The following DDX43 variants were observed in gnomAD, a reference collection of about 807,000 sequenced individuals.
DDX43 encodes the protein probable ATP-dependent RNA helicase DDX43.
A neutral mutation model predicts 84.9 loss-of-function variants in DDX43; 50 were observed. The observed-to-expected ratio is 0.59, with a 90% CI of 0.47 to 0.75. The LOEUF (loss-of-function observed/expected upper bound fraction) is 0.75, where lower values mean the gene tolerates loss of function less well. Ranked by LOEUF, DDX43 falls within the 30% of genes least tolerant of loss-of-function variation. The pLI, the probability that DDX43 is intolerant of heterozygous loss-of-function variation, is 0.00. For synonymous variants in DDX43, 291 were observed against 266.3 expected (o/e 1.09, Z -0.90); for missense variants, 689 against 798.6 (o/e 0.86, Z 1.65).
chr6:73,395,743 T>C (rs1346205699), intron 1 of DDX43, among the ~76,000 whole-genome samples: 1 of 152,086 alleles, frequency 6.6e-6, no homozygotes, highest in Admixed American at 6.6e-5. Context: ...GAACAGGCCT[T>C]TTAACAGACA....
chr6:73,405,183 GTT>G (rs1769653715), intron 5 of DDX43, among the ~76,000 whole-genome samples: 1 of 152,054 alleles, frequency 6.6e-6, no homozygotes, highest in African/African-American at 2.4e-5. Flanking sequence ...AAATTGGAAG[GTT>G]TTAATTGCAA....
At chr6:73,395,298 C>A in intron 1 of DDX43, 143 bp downstream of exon 1, 1 of 1,104,950 alleles carries the variant, frequency 9.1e-7, no homozygotes, top group Non-Finnish European at 1.3e-6. Context: ...TTTGTAAAAC[C>A]TGGGGATAGA....
chr6:73,414,969 G>T (rs1306911264), intron 14 of DDX43, among the ~76,000 whole-genome samples: 2 of 151,972 alleles, frequency 1.3e-5, no homozygotes, highest in African/African-American at 4.8e-5. Context: ...TTGACAAATT[G>T]GTATGGATAT....
At chr6:73,411,752 T>C (rs998896800) in intron 10 of DDX43, among the ~76,000 whole-genome samples, 6 of 152,092 alleles carry the variant, frequency 3.9e-5, no homozygotes, top group South Asian at 2.1e-4. Context: ...GGCTGGAGTA[T>C]AGTGGCACAA....
At position 73,395,028 on chromosome 6, in the gene DDX43, G is replaced by A; in HGVS notation, c.123G>A (p.Glu41=). 6.2e-7 allele frequency: 1 copy of A among 1,614,270 alleles called. No homozygotes were observed. The highest frequency in any genetic ancestry group is 8.5e-7 in the Non-Finnish European group (1 of 1,180,050). ...PAEELNRTGP[E]GYSVGRGGRW... ...AGGAGTTGAATCGAACAGGTCCTGAGGGATATAGTGTCGGCAGAGGTGGTC... is the reference window on the plus strand; with the variant it reads ...AGGAGTTGAATCGAACAGGTCCTGAAGGATATAGTGTCGGCAGAGGTGGTC... The change falls in exon 1 of 17, where the codon GAG becomes GAA. Residue 41 remains glutamate, a synonymous_variant. Coordinates refer to ENST00000370336, the MANE Select transcript of DDX43 (RefSeq NM_018665.3).
At chr6:73,397,025 GTGCAATATATCTT>G (rs1221997660) in intron 1 of DDX43, among the ~76,000 whole-genome samples, 2 of 152,168 alleles carry the variant, frequency 1.3e-5, no homozygotes, top group Non-Finnish European at 1.5e-5. Flanking sequence ...GAAAATGGAA[GTGCAATATATCTT>G]TGAGACTCAG....
intron 8 of DDX43, 30 bp downstream of exon 8, chr6:73,407,645 C>T (rs929660838): frequency 1.5e-6 from 2 of 1,370,926 alleles, no homozygotes; most frequent in Non-Finnish European, 2.1e-6. Context: ...ATTCCTTCAC[C>T]AGTATCATAT....
intron 2 of DDX43, among the ~76,000 whole-genome samples, chr6:73,398,676 G>A (rs771742984): frequency 1.1e-4 from 16 of 152,198 alleles, no homozygotes; most frequent in Non-Finnish European, 2.2e-4. Context: ...TGTCCAAAAG[G>A]TCTTCCTTCC....
intron 2 of DDX43, among the ~76,000 whole-genome samples, chr6:73,399,009 G>T (rs976313722): frequency 1.3e-5 from 2 of 152,042 alleles, no homozygotes; most frequent in Non-Finnish European, 2.9e-5. Context: ...GCACTGGTGT[G>T]CTCTTAGCTC....
At chr6:73,409,139 T>C in intron 9 of DDX43, 109 bp from the exon 10 acceptor site, 1 of 798,134 alleles carries the variant, frequency 1.3e-6, no homozygotes, top group Non-Finnish European at 2.1e-6. Context: ...GCTTAAGTAA[T>C]AGGGGAAATG....
Position 73,412,084 on chromosome 6 carries a change from A to C in DDX43, c.1281-121A>C, listed in dbSNP as rs367774253. On this transcript the variant is annotated intron_variant, in intron 10 of 16. Coordinates refer to ENST00000370336, the MANE Select transcript of DDX43 (RefSeq NM_018665.3). The stretch of plus-strand genomic sequence containing the variant: ...GTGAATTAACTGTTAAATTTGCCTT[A>C]CTTATTGAAAAAATAAGTACTAAAT... The C allele has an allele frequency of 6.5e-5, 47 of 727,052 alleles. No individual in the cohort carries two copies. The African/African-American group carries it at 8.1e-4, about 12-fold the overall frequency. The allele number at this position is 727,052 out of a possible 1,614,324, so 45.0% of individuals were successfully genotyped here. A position where few individuals can be genotyped will look rare whatever the true frequency, so the allele number is the denominator to read the frequency against.
chr6:73,410,228 G>A (rs1382264840), intron 10 of DDX43, among the ~76,000 whole-genome samples: 1 of 152,074 alleles, frequency 6.6e-6, no homozygotes, highest in Admixed American at 6.6e-5. Flanking sequence ...GTGCAGCAGC[G>A]CGATCTCGGC....
chr6:73,404,435 A>G (rs1203889709), intron 4 of DDX43, among the ~76,000 whole-genome samples: 1 of 151,936 alleles, frequency 6.6e-6, no homozygotes, highest in Non-Finnish European at 1.5e-5. Flanking sequence ...ACAGGGTGTC[A>G]CTATTTTGCC....
chr6:73,395,541 C>T (rs1236610193), intron 1 of DDX43, among the ~76,000 whole-genome samples: 1 of 151,194 alleles, frequency 6.6e-6, no homozygotes, highest in Non-Finnish European at 1.5e-5. Context: ...TTGAACCCGG[C>T]GGCAGAAGTT....
At chr6:73,408,991 T>C (rs930490344) in intron 9 of DDX43, among the ~76,000 whole-genome samples, 1 of 152,252 alleles carries the variant, frequency 6.6e-6, no homozygotes, top group African/African-American at 2.4e-5. Context: ...GTAATTAAAA[T>C]CTACTTGGAT....
intron 8 of DDX43, 141 bp downstream of exon 8, chr6:73,407,756 C>G (rs1769710786): frequency 2.6e-6 from 2 of 778,754 alleles, no homozygotes; most frequent in African/African-American, 3.5e-5. Flanking sequence ...CTACTCTAAT[C>G]AGTCAGAGCC....
chr6:73,395,130 G>C lies in DDX43; in HGVS notation c.225G>C (p.Lys75Asn), dbSNP rs769408064. ...AACTGCCGCTGTGTTTTGCTTTGAA[G>C]AGCCACTTTGTTGGCGCGGTAATCG... The part of the protein sequence containing the change: ...HEELPLCFAL[K>N]SHFVGAVIGR... Residue 75 changes from lysine (K) to asparagine (N), a missense_variant, in exon 1 of 17, where the codon AAG becomes AAC. By Grantham distance (94) the Lys-to-Asn change is moderately conservative. Around this residue, in one of 2 missense-constraint regions of DDX43, gnomAD observed 137 missense variants for 105.9 expected, o/e 1.29. Transcript: ENST00000370336. 2 of 1,613,812 alleles carry C rather than the reference G, an allele frequency of 1.2e-6. No individual in the cohort carries two copies. The highest frequency in any genetic ancestry group is 2.2e-5 in the East Asian group (1 of 44,870).
chr6:73,403,419 G>A (rs564035910), intron 4 of DDX43, among the ~76,000 whole-genome samples: 13 of 152,064 alleles, frequency 8.5e-5, no homozygotes, highest in Admixed American at 4.6e-4. Context: ...GCAGTGAGCC[G>A]AGATTGCATC....
chr6:73,407,351 TCAGGTAATC>T (rs1449269561), intron 7 of DDX43, among the ~76,000 whole-genome samples, 145 bp from the exon 8 acceptor site: 2 of 152,166 alleles, frequency 1.3e-5, no homozygotes, highest in East Asian at 3.8e-4. Flanking sequence ...ACTCCTGACC[TCAGGTAATC>T]CGACTGCCTT....
Sources: allele counts gnomAD v4.1 joint callset (sites outside exome capture counted in the v4.1 genomes callset), GRCh38; gene constraint gnomAD v4.1.1; regional missense constraint gnomAD v4.1.1; transcripts MANE v1.5; gene names NCBI Gene and HGNC (gene_info 2026-07-23, HGNC 2026-07-21).